The following HMGN3 variants were observed in gnomAD, a reference collection of about 807,000 sequenced individuals.
The protein encoded by HMGN3 is high mobility group nucleosome-binding domain-containing protein 3.
HMGN3 carries 6 observed loss-of-function variants against 18.8 expected under a neutral mutation model. That is an observed-to-expected ratio of 0.32 (90% CI 0.18 to 0.63). The LOEUF (loss-of-function observed/expected upper bound fraction) is 0.63. HMGN3 is among the 30% of genes least tolerant of loss of function. The pLI, the probability that HMGN3 is intolerant of heterozygous loss-of-function variation, is 0.79. For missense variants in HMGN3, 107 were observed against 114.2 expected (o/e 0.94, Z 0.29); for synonymous variants, 40 against 36.5 (o/e 1.10, Z -0.35).
intron 2 of HMGN3, among the ~76,000 whole-genome samples, chr6:79,213,984 CT>C (rs1333918852): frequency 6.6e-6 from 1 of 152,160 alleles, no homozygotes; most frequent in Non-Finnish European, 1.5e-5. Flanking sequence ...TCTTTTCCTA[CT>C]GTTTAGCCCA....
chr6:79,209,041 C>T (rs991814026), intron 2 of HMGN3, among the ~76,000 whole-genome samples: 18 of 152,040 alleles, frequency 1.2e-4, no homozygotes, highest in Admixed American at 1.1e-3. Flanking sequence ...CAGGAGTTCC[C>T]CATCTTGCTG....
At chr6:79,221,683 A>G (rs1205498496) in intron 1 of HMGN3, among the ~76,000 whole-genome samples, 1 of 152,202 alleles carries the variant, frequency 6.6e-6, no homozygotes, top group African/African-American at 2.4e-5. Context: ...ACAGCTGCTT[A>G]GGAACGGCTT....
At chr6:79,232,361 G>A (rs1777885662) in intron 1 of HMGN3, among the ~76,000 whole-genome samples, 1 of 152,126 alleles carries the variant, frequency 6.6e-6, no homozygotes, top group South Asian at 2.1e-4. Flanking sequence ...TTTAATCTGA[G>A]GTTGTTCCTG....
At chr6:79,202,071 T>C in intron 5 of HMGN3, 1 of 1,537,622 alleles carries the variant, frequency 6.5e-7, no homozygotes, top group South Asian at 1.2e-5. Flanking sequence ...ACTCTCACTG[T>C]TTCAATCTGC....
intron 1 of HMGN3, chr6:79,233,983 A>C (rs1008069964): frequency 6.6e-6 from 1 of 152,600 alleles, no homozygotes; most frequent in African/African-American, 2.4e-5. Context: ...TTGACACTGG[A>C]GTTGGTACAT....
At chr6:79,230,160 A>C (rs982375071) in intron 1 of HMGN3, among the ~76,000 whole-genome samples, 1 of 152,222 alleles carries the variant, frequency 6.6e-6, no homozygotes, top group African/African-American at 2.4e-5. Context: ...CAAAAACATC[A>C]TGCTGAGTGA....
chr6:79,220,783 T>C (rs1481412226), intron 1 of HMGN3, among the ~76,000 whole-genome samples: 1 of 152,002 alleles, frequency 6.6e-6, no homozygotes, highest in Non-Finnish European at 1.5e-5. Flanking sequence ...AAATCAATAT[T>C]ATGGATGGAT....
At chr6:79,201,488 C>A in exon 6 of HMGN3, 1 of 544,046 alleles carries the variant, frequency 1.8e-6, no homozygotes, top group Non-Finnish European at 3.3e-6. Context: ...CAATATTTAA[C>A]TGATATTTAT....
At chr6:79,232,961 A>T (rs1408884649) in intron 1 of HMGN3, among the ~76,000 whole-genome samples, 5 of 152,222 alleles carry the variant, frequency 3.3e-5, no homozygotes, top group Non-Finnish European at 7.3e-5. Context: ...CATAAAATTA[A>T]GTTTAAATAA....
chr6:79,205,492 G>A lies in HMGN3; in HGVS notation c.97-1862C>T, dbSNP rs900379752. Among the ~76,000 whole-genome samples the A allele has an allele frequency of 1.5e-4, 23 of 152,338 alleles. 1 individual carries two copies. In the Middle Eastern group the frequency reaches 0.027, roughly 180 times the overall value. ...TCTCTCTTTGCCTGCCACCATCCAC[G>A]TAAGACATAATTTGCTCCTTTTGTC... is the stretch of plus-strand genomic sequence containing the variant. On this transcript the variant is annotated intron_variant, in intron 3 of 5. Transcript: ENST00000344726.
At chr6:79,225,892 G>T (rs1181602806) in intron 1 of HMGN3, among the ~76,000 whole-genome samples, 1 of 152,116 alleles carries the variant, frequency 6.6e-6, no homozygotes, top group African/African-American at 2.4e-5. Flanking sequence ...ATAATGACTT[G>T]TTGGGTAACT....
chr6:79,205,367 T>G (rs1469522848), intron 3 of HMGN3, among the ~76,000 whole-genome samples: 1 of 152,202 alleles, frequency 6.6e-6, no homozygotes, highest in East Asian at 1.9e-4. Flanking sequence ...GGTGATTGAA[T>G]TATGGGGGTG....
intron 3 of HMGN3, among the ~76,000 whole-genome samples, chr6:79,203,869 T>A (rs539767396): frequency 6.6e-6 from 1 of 152,348 alleles, no homozygotes; most frequent in South Asian, 2.1e-4. Flanking sequence ...CGACTCCTTA[T>A]TCCCTGGTCC....
chr6:79,229,960 T>C (rs901369696), intron 1 of HMGN3, among the ~76,000 whole-genome samples: 3 of 152,166 alleles, frequency 2.0e-5, no homozygotes, highest in Admixed American at 6.5e-5. Flanking sequence ...AATGAAAATA[T>C]ATGTCCATGC....
At chr6:79,203,088 T>A (rs796777314) in intron 4 of HMGN3, among the ~76,000 whole-genome samples, 6 of 152,300 alleles carry the variant, frequency 3.9e-5, no homozygotes, top group African/African-American at 1.4e-4. Context: ...ACAGAGTTGA[T>A]GTGAAGGTCA....
intron 1 of HMGN3, 115 bp from the exon 2 acceptor site, chr6:79,215,137 A>G: frequency 1.5e-6 from 1 of 651,324 alleles, no homozygotes; most frequent in Non-Finnish European, 2.6e-6. Context: ...ATTTTTTTGC[A>G]AAGAAAAAGT....
intron 2 of HMGN3, among the ~76,000 whole-genome samples, 172 bp downstream of exon 2, chr6:79,214,800 G>A (rs1776888956): frequency 6.6e-6 from 1 of 152,200 alleles, no homozygotes; most frequent in African/African-American, 2.4e-5. Flanking sequence ...TAGGCCAAGC[G>A]AGACTACATA....
At chr6:79,234,589 A>G (rs916939136) in exon 1 of HMGN3, 2 of 1,611,804 alleles carry the variant, frequency 1.2e-6, no homozygotes, top group Non-Finnish European at 1.7e-6. Flanking sequence ...GCAAAAAGTA[A>G]AGCAACGGAC....
intron 5 of HMGN3, 161 bp from the exon 7 acceptor site, chr6:79,201,887 G>A: frequency 1.0e-6 from 1 of 984,316 alleles, no homozygotes; most frequent in Non-Finnish European, 1.2e-6. Flanking sequence ...AGAAGACAAG[G>A]CAGGAATATA....
Sources: allele counts gnomAD v4.1 joint callset (sites outside exome capture counted in the v4.1 genomes callset), GRCh38; gene constraint gnomAD v4.1.1; transcripts MANE v1.5; gene names NCBI Gene and HGNC (gene_info 2026-07-23, HGNC 2026-07-21).